Variants in DGKZ observed in about 807,000 individuals in gnomAD.
The protein encoded by DGKZ is DAG kinase zeta.
Under a neutral mutation model 142.5 loss-of-function variants are expected in DGKZ, and 45 were observed. The observed-to-expected ratio is 0.32, with a 90% confidence interval of 0.25 to 0.40. DGKZ has a LOEUF of 0.40. DGKZ is among the 10% of genes least tolerant of loss of function. The probability of loss-of-function intolerance (pLI) is 1.00; values close to 1 mark genes in which losing one functional copy is unlikely to be tolerated. For missense variants in DGKZ, 755 were observed against 1,306.5 expected, an observed-to-expected ratio of 0.58 and a Z score of 6.51; for synonymous variants, 442 against 527.0, an observed-to-expected ratio of 0.84 and a Z score of 2.21.
chr11:46,364,777 A>G, intron 1 of DGKZ: 1 of 985,364 alleles, frequency 1.0e-6, no homozygotes, highest in Non-Finnish European at 1.2e-6. Flanking sequence ...CCTGCCCAAC[A>G]TGCGTCCAGG....
chr11:46,363,027 A>G (rs1469581593), intron 1 of DGKZ, among the ~76,000 whole-genome samples: 1 of 152,034 alleles, frequency 6.6e-6, no homozygotes, highest in African/African-American at 2.4e-5. Context: ...AGGGACAGCC[A>G]TTTTGCTGTG....
At chr11:46,369,438 T>A (rs1565055849) in intron 4 of DGKZ, 56 bp from the exon 5 acceptor site, 1 of 1,607,456 alleles carries the variant, frequency 6.2e-7, no homozygotes, top group South Asian at 1.1e-5. Flanking sequence ...AGTGACCACA[T>A]ACCTGACCCC....
intron 1 of DGKZ, among the ~76,000 whole-genome samples, chr11:46,342,314 G>C (rs1314346175): frequency 1.3e-5 from 2 of 152,152 alleles, no homozygotes; most frequent in African/African-American, 4.8e-5. Flanking sequence ...CAGCGCCAAG[G>C]AGTGCAAGTT....
At position 46,367,010 on chromosome 11, in the gene DGKZ, C is replaced by T. The variant is rs768592332; in HGVS notation, c.162-281C>T. ...GTAGGTATAGCTGTGGCCAGCAGGG[C>T]GAGTGGTGTGACCTCCTGTGGGTCT... is the stretch of plus-strand genomic sequence containing the variant. On this transcript the variant is annotated intron_variant, in intron 1 of 30. Coordinates refer to ENST00000527911, the Ensembl canonical transcript of DGKZ. The surrounding 1 kb of genome is among the most constrained non-coding windows in gnomAD (Gnocchi z 4.1). The T allele has an allele frequency of 1.9e-5, 28 of 1,490,620 alleles. No homozygotes were observed. The highest frequency in any genetic ancestry group is 4.6e-5 in the Admixed American group (2 of 43,890). 92.3% of individuals were successfully genotyped at this position (1,490,620 alleles called of 1,614,324 possible).
chr11:46,346,666 G>T (rs1940649583), upstream of DGKZ, among the ~76,000 whole-genome samples: 1 of 152,202 alleles, frequency 6.6e-6, no homozygotes, highest in African/African-American at 2.4e-5. Context: ...GTGTGGGCAT[G>T]TGTGCTTGTG....
intron 1 of DGKZ, among the ~76,000 whole-genome samples, chr11:46,356,058 T>C (rs1449531120): frequency 1.3e-5 from 2 of 152,026 alleles, no homozygotes; most frequent in Non-Finnish European, 2.9e-5. Context: ...GTGTTAATAT[T>C]GAATGAGGGG....
At chr11:46,366,612 A>T in intron 1 of DGKZ, 1 of 1,607,882 alleles carries the variant, frequency 6.2e-7, no homozygotes, top group Non-Finnish European at 8.5e-7. Flanking sequence ...ATGAATGAGG[A>T]GGAGGGTGTC....
exon 1 of DGKZ, chr11:46,332,980 C>T (rs886300031): frequency 6.5e-5 from 19 of 293,116 alleles, no homozygotes. Flanking sequence ...CGCCCGGGCT[C>T]CGGCTCCGCT....
At chr11:46,368,269 T>G (rs1943554742) in intron 4 of DGKZ, 190 bp downstream of exon 4, 3 of 690,450 alleles carry the variant, frequency 4.3e-6, no homozygotes, top group Non-Finnish European at 7.9e-6. Flanking sequence ...AGCTGCTGTA[T>G]CCCCACTGCC....
At position 46,360,177 on chromosome 11, in the gene DGKZ, C is replaced by CA. The variant is rs1006223280; in HGVS notation, c.162-7108dup. Among the ~76,000 whole-genome samples the CA allele has an allele frequency of 1.4e-4, 21 of 151,944 alleles. No individual in the cohort carries two copies. In the East Asian group the frequency reaches 4.1e-3, roughly 29 times the overall value. On this transcript the variant is annotated intron_variant, in intron 1 of 30. Coordinates refer to ENST00000527911, the Ensembl canonical transcript of DGKZ. ...TTAGGCCAGATGTTAAAGAGATTTG[C>CA]AAAAAATGTAAAATGATGCCACTCT... is the stretch of plus-strand genomic sequence containing the variant.
At position 46,349,731 on chromosome 11, in the gene DGKZ, ACAGT is replaced by A. The variant is rs777959140; in HGVS notation, c.161+1915_161+1918del. Among the ~76,000 whole-genome samples the A allele has an allele frequency of 7.9e-5, 12 of 152,328 alleles. No individual in the cohort carries two copies. The South Asian group carries it at 1.4e-3, about 18-fold the overall frequency. On this transcript the variant is annotated intron_variant, in intron 1 of 30. Coordinates refer to ENST00000527911, the Ensembl canonical transcript of DGKZ. ...CTCCATTTTTATAGATGAAAGAAACACAGTCAGAGGGGATTTGCTCAGAGTCACA... is the reference window on the plus strand; with the variant it reads ...CTCCATTTTTATAGATGAAAGAAACACAGAGGGGATTTGCTCAGAGTCACA...
rs1945013569 is a variant in DGKZ at position 46,379,767 on chromosome 11, C to G, written c.2689-64C>G. The G allele has an allele frequency of 2.0e-6, 3 of 1,482,454 alleles. No homozygotes were observed. In the African/African-American group the frequency reaches 4.2e-5, roughly 21 times the overall value. The allele number at this position is 1,482,454 out of a possible 1,614,324, so 91.8% of individuals were successfully genotyped here. A position where few individuals can be genotyped will look rare whatever the true frequency, so the allele number is the denominator to read the frequency against. On this transcript the variant is annotated intron_variant, in intron 30 of 30. Transcript: ENST00000527911. The stretch of plus-strand genomic sequence containing the variant: ...CCACAGGGAGGTAGAGCCCCTGCCT[C>G]TCAGCCTGCTAGGGGTTAGGCCTGC...
upstream of DGKZ, chr11:46,345,706 C>A: frequency 2.0e-6 from 2 of 1,016,014 alleles, no homozygotes; most frequent in Non-Finnish European, 2.8e-6. This position sits in a 1 kb window ranked among gnomAD's most constrained non-coding sequence, Gnocchi z 4.1. Flanking sequence ...TCTGCAGAGG[C>A]ACAGAGTAGG....
intron 25 of DGKZ, 155 bp downstream of exon 25, chr11:46,377,367 G>A (rs1944668353): frequency 7.4e-7 from 1 of 1,356,766 alleles, no homozygotes; most frequent in Non-Finnish European, 9.7e-7. Flanking sequence ...TCAGCCCTGT[G>A]GTTCTGTGGG....
In DGKZ at chr11:46,367,142, C is replaced by A; in HGVS notation, c.162-149C>A. Reference sequence around the variant, plus strand: ...GTACCCCAAAAGGCCATGTCTCTTGCAGGGAGCCTCTTAGTGTCTGGGGCT... The same window carrying A: ...GTACCCCAAAAGGCCATGTCTCTTGAAGGGAGCCTCTTAGTGTCTGGGGCT... On this transcript the variant is annotated intron_variant, in intron 1 of 30. Transcript: ENST00000527911. The surrounding 1 kb of genome is among the most constrained non-coding windows in gnomAD (Gnocchi z 4.1). 8.1e-7 allele frequency: 1 copy of A among 1,237,058 alleles called. No homozygotes were observed. Among genetic ancestry groups the A allele is most frequent in the Non-Finnish European group, 1.2e-6 (1 of 868,056 alleles). 76.6% of individuals were successfully genotyped at this position (1,237,058 alleles called of 1,614,324 possible). A position where few individuals can be genotyped will look rare whatever the true frequency, so the allele number is the denominator to read the frequency against.
chr11:46,356,471 GT>G (rs2136425062), intron 1 of DGKZ, among the ~76,000 whole-genome samples: 1 of 152,206 alleles, frequency 6.6e-6, no homozygotes, highest in East Asian at 1.9e-4. Context: ...TAGAAGCAAT[GT>G]GAGGCCCTGG....
At position 46,367,272 on chromosome 11, in the gene DGKZ, G is replaced by A; in HGVS notation, c.162-19G>A. On this transcript the variant is annotated intron_variant, in intron 1 of 30. Transcript: ENST00000527911. The surrounding 1 kb of genome is among the most constrained non-coding windows in gnomAD (Gnocchi z 4.1). ...CAGCAAGTGCTCAGCCCCCTCCTCAGCTGTCTTCTCCTCTCTAGGAAAGCC... is the reference window on the plus strand; with the variant it reads ...CAGCAAGTGCTCAGCCCCCTCCTCAACTGTCTTCTCCTCTCTAGGAAAGCC... The A allele has an allele frequency of 6.2e-7, 1 of 1,604,088 alleles. No homozygotes were observed. The highest frequency in any genetic ancestry group is 8.5e-7 in the Non-Finnish European group (1 of 1,173,478).
In DGKZ at chr11:46,367,540, T is replaced by A. The variant is rs1943451080; in HGVS notation, c.271-112T>A. ...GTGGGGCAGACGGAACAGAGCAGGG[T>A]CGATCGGGGCGCTGGAGTGGGTTTG... On this transcript the variant is annotated intron_variant, in intron 2 of 30. Coordinates refer to ENST00000527911, the Ensembl canonical transcript of DGKZ. The surrounding 1 kb of genome is among the most constrained non-coding windows in gnomAD (Gnocchi z 4.1). 1.0e-6 allele frequency: 1 copy of A among 979,094 alleles called. No homozygotes were observed. 60.7% of individuals were successfully genotyped at this position (979,094 alleles called of 1,614,324 possible). A position where few individuals can be genotyped will look rare whatever the true frequency, so the allele number is the denominator to read the frequency against.
chr11:46,336,795 C>G (rs529030429), intron 1 of DGKZ, among the ~76,000 whole-genome samples: 4 of 152,122 alleles, frequency 2.6e-5, no homozygotes, highest in Non-Finnish European at 4.4e-5. Flanking sequence ...CTCAAGCGAT[C>G]GCCCATCTTG....
Sources: gnomAD v4.1 joint callset for allele counts (sites outside exome capture counted in the v4.1 genomes callset) on GRCh38, gnomAD v4.1.1 for gene constraint, Gnocchi (gnomAD v3.1) non-coding constraint, MANE v1.5 for transcripts, NCBI Gene and HGNC (gene_info 2026-07-23, HGNC 2026-07-21) for gene names.